CNTNAP2: variants seen among roughly 807,000 people sequenced by gnomAD.
CNTNAP2 encodes contactin associated protein 2.
In CNTNAP2, 98 loss-of-function variants were observed where a neutral mutation model predicts 155.2. The ratio of observed to expected loss-of-function variants is 0.63; its 90% confidence interval spans 0.54 to 0.75. CNTNAP2 has a LOEUF of 0.75. CNTNAP2 is among the 30% of genes least tolerant of loss of function. The probability of loss-of-function intolerance (pLI) is 0.00; values close to 1 mark genes in which losing one functional copy is unlikely to be tolerated. For synonymous variants in CNTNAP2, 651 were observed against 631.2 expected (o/e 1.03, Z -0.47); for missense variants, 1,727 against 1,688.1 (o/e 1.02, Z -0.40).
chr7:147,537,412 C>G (rs563408871), intron 11 of CNTNAP2, among the ~76,000 whole-genome samples: 2 of 152,156 alleles, frequency 1.3e-5, no homozygotes, highest in East Asian at 3.9e-4. Flanking sequence ...TTCATTCATT[C>G]CAAATGATCA....
intron 21 of CNTNAP2, 59 bp downstream of exon 21, chr7:148,267,185 G>C (rs1040758864): frequency 2.8e-6 from 4 of 1,447,322 alleles, no homozygotes; most frequent in Non-Finnish European, 3.9e-6. Context: ...GGTAATGTGA[G>C]TTTGGATTTT....
chr7:147,404,678 A>G (rs943595467), intron 10 of CNTNAP2, among the ~76,000 whole-genome samples: 2 of 152,124 alleles, frequency 1.3e-5, no homozygotes, highest in Non-Finnish European at 2.9e-5. Context: ...CCAGTCTTTC[A>G]TTTGATCTTT....
chr7:148,062,855 C>A (rs1039672019), intron 15 of CNTNAP2, among the ~76,000 whole-genome samples: 1 of 152,182 alleles, frequency 6.6e-6, no homozygotes, highest in South Asian at 2.1e-4. Flanking sequence ...GGAGGATCAA[C>A]ATAGTCACAA....
intron 1 of CNTNAP2, among the ~76,000 whole-genome samples, chr7:146,389,710 T>A (rs1443576025): frequency 6.7e-6 from 1 of 148,548 alleles, no homozygotes; most frequent in Non-Finnish European, 1.5e-5. Context: ...TTTCTTTTTT[T>A]TTTTTTTTGA....
chr7:148,097,280 CTTTCCA>C (rs1287471886), intron 15 of CNTNAP2, among the ~76,000 whole-genome samples: 2 of 145,078 alleles, frequency 1.4e-5, no homozygotes, highest in East Asian at 4.1e-4. Context: ...TACCAAACTC[CTTTCCA>C]TGTGTCCCAT....
intron 1 of CNTNAP2, among the ~76,000 whole-genome samples, chr7:146,721,506 T>C (rs1199651400): frequency 3.1e-5 from 4 of 127,476 alleles, no homozygotes; most frequent in Admixed American, 8.3e-5. Context: ...ATATATATTC[T>C]ATATATACAT....
At chr7:147,152,341 C>A (rs1019542674) in intron 8 of CNTNAP2, among the ~76,000 whole-genome samples, 6 of 152,000 alleles carry the variant, frequency 3.9e-5, no homozygotes, top group Non-Finnish European at 8.8e-5. Flanking sequence ...ACTCTAGAAC[C>A]TGAATGCCTG....
chr7:147,970,468 T>TA (rs1262338565), intron 14 of CNTNAP2, among the ~76,000 whole-genome samples: 1 of 152,182 alleles, frequency 6.6e-6, no homozygotes, highest in Non-Finnish European at 1.5e-5. Flanking sequence ...CTCATGCCTA[T>TA]AATCCCAGCA....
chr7:147,864,826 G>A (rs1287097049), intron 13 of CNTNAP2, among the ~76,000 whole-genome samples: 1 of 152,172 alleles, frequency 6.6e-6, no homozygotes, highest in African/African-American at 2.4e-5. Flanking sequence ...GAGATTTGGG[G>A]CTGAGACGAT....
chr7:147,083,031 C>T (rs1800169863), intron 4 of CNTNAP2: 1 of 152,180 alleles, frequency 6.6e-6, no homozygotes, highest in South Asian at 2.1e-4. Context: ...CAGCACGCCT[C>T]TCATCCTCTC....
intron 9 of CNTNAP2, among the ~76,000 whole-genome samples, chr7:147,325,758 T>C (rs1169473812): frequency 6.6e-6 from 1 of 152,222 alleles, no homozygotes; most frequent in African/African-American, 2.4e-5. Context: ...TTTAACTATA[T>C]TTAAGTGTAC....
chr7:146,617,487 A>C (rs1376004732), intron 1 of CNTNAP2, among the ~76,000 whole-genome samples: 2 of 151,836 alleles, frequency 1.3e-5, no homozygotes, highest in Non-Finnish European at 2.9e-5. Context: ...TTGATTCATA[A>C]TTCTATGACT....
chr7:146,753,771 T>G (rs1411537849), intron 1 of CNTNAP2, among the ~76,000 whole-genome samples: 1 of 152,192 alleles, frequency 6.6e-6, no homozygotes, highest in Non-Finnish European at 1.5e-5. Flanking sequence ...TTCTCTTGTA[T>G]TTTTCTCAGC....
intron 1 of CNTNAP2, among the ~76,000 whole-genome samples, chr7:146,387,202 G>A (rs920465387): frequency 3.3e-5 from 5 of 152,178 alleles, no homozygotes; most frequent in Admixed American, 6.5e-5. Context: ...TCCAAGTGAG[G>A]TCTGGGGCTT....
chr7:147,898,658 T>C lies in CNTNAP2; in HGVS notation c.2099-4907T>C, dbSNP rs148180430. Among the ~76,000 whole-genome samples the C allele has an allele frequency of 3.7e-3, 559 of 152,266 alleles. 3 individuals are homozygous for C. Among genetic ancestry groups the C allele is most frequent in the Non-Finnish European group, 5.6e-3 (384 of 68,016 alleles). The stretch of plus-strand genomic sequence containing the variant: ...CCTCAGCCTCCCAAGTAGCTGGGAT[T>C]ACAGGCACCTGCCACTGAGCCTGGC... On this transcript the variant is annotated intron_variant, in intron 13 of 23. Transcript: ENST00000361727.
chr7:147,273,748 T>C (rs563248513), intron 8 of CNTNAP2, among the ~76,000 whole-genome samples: 1 of 143,352 alleles, frequency 7.0e-6, no homozygotes, highest in African/African-American at 2.7e-5. Context: ...ATATTTTATA[T>C]ATGTAATATA....
chr7:147,691,440 G>A (rs1796086144), intron 13 of CNTNAP2, among the ~76,000 whole-genome samples: 2 of 152,098 alleles, frequency 1.3e-5, no homozygotes, highest in Admixed American at 6.6e-5. Flanking sequence ...AGAGCACAGA[G>A]AGATAATACA....
In CNTNAP2 at chr7:146,474,703, T is replaced by C. The variant is rs1796848946; in HGVS notation, c.98-299568T>C. 3.3e-5 allele frequency among the ~76,000 whole-genome samples: 5 copies of C among 152,346 alleles called. No individual in the cohort carries two copies. In the South Asian group the frequency reaches 1.0e-3, roughly 32 times the overall value. On this transcript the variant is annotated intron_variant, in intron 1 of 23. Coordinates refer to ENST00000361727, the MANE Select transcript of CNTNAP2 (RefSeq NM_014141.6). ...TTAAAAAAAACTAAGATCAGTTTTA[T>C]GTTAATTGTATTTTATTTAAGAATT...
At chr7:147,632,411 C>T (rs1186214024) in intron 12 of CNTNAP2, among the ~76,000 whole-genome samples, 1 of 152,020 alleles carries the variant, frequency 6.6e-6, no homozygotes, top group Non-Finnish European at 1.5e-5. Flanking sequence ...TTTCCCTAAT[C>T]CTGTTGTGAT....
Sources: gnomAD v4.1 joint callset for allele counts (sites outside exome capture counted in the v4.1 genomes callset) on GRCh38, gnomAD v4.1.1 for gene constraint, MANE v1.5 for transcripts, NCBI Gene and HGNC (gene_info 2026-07-23, HGNC 2026-07-21) for gene names.